The following GRK5 variants were observed in gnomAD, a reference collection of about 807,000 sequenced individuals.
GRK5 encodes G protein-coupled receptor kinase 5, also known as g protein-coupled receptor kinase GRK5.
A neutral mutation model predicts 78.4 loss-of-function variants in GRK5; 40 were observed. The observed-to-expected ratio is 0.51, with a 90% CI of 0.40 to 0.66. The LOEUF (loss-of-function observed/expected upper bound fraction) is 0.66. Ranked by LOEUF, GRK5 falls within the 30% of genes least tolerant of loss-of-function variation. The pLI, the probability that GRK5 is intolerant of heterozygous loss-of-function variation, is 0.00. For missense variants in GRK5, 598 were observed against 759.9 expected, an observed-to-expected ratio of 0.79 and a Z score of 2.50; for synonymous variants, 289 against 296.8, an observed-to-expected ratio of 0.97 and a Z score of 0.27.
At chr10:119,393,158 C>T (rs377597081) in intron 3 of GRK5, among the ~76,000 whole-genome samples, 1 of 152,200 alleles carries the variant, frequency 6.6e-6, no homozygotes, top group Non-Finnish European at 1.5e-5. Context: ...TTAATCAGTG[C>T]GAAAAGCCCA....
At chr10:119,435,116 G>A (rs1485167511) in intron 8 of GRK5, among the ~76,000 whole-genome samples, 1 of 152,190 alleles carries the variant, frequency 6.6e-6, no homozygotes, top group Non-Finnish European at 1.5e-5. Flanking sequence ...CACAGCACGG[G>A]GACCCTGGAC....
rs1470176015 is a variant in GRK5 at position 119,459,670 on chromosome 10, C to T, written c.*4603C>T. On this transcript the variant is annotated 3_prime_UTR_variant, in exon 16 of 16. Transcript: ENST00000392870. ...GTAACTCTGTGTGTTCCGTCTATCG[C>T]GTCACAGTGCCGCTGGATCTAGATG... The T allele has an allele frequency of 2.0e-5, 3 of 152,220 alleles. No individual in the cohort carries two copies. Among genetic ancestry groups the T allele is most frequent in the African/African-American group, 4.8e-5 (2 of 41,462 alleles). The allele number at this position is 152,220 out of a possible 1,614,324, so 9.4% of individuals were successfully genotyped here.
At chr10:119,425,700 GT>G (rs1852665250) in intron 6 of GRK5, among the ~76,000 whole-genome samples, 1 of 152,256 alleles carries the variant, frequency 6.6e-6, no homozygotes, top group South Asian at 2.1e-4. Flanking sequence ...TATCCCGTGA[GT>G]GAGCAGGGCG....
chr10:119,282,469 C>G (rs1004397360), intron 1 of GRK5, among the ~76,000 whole-genome samples: 6 of 152,202 alleles, frequency 3.9e-5, no homozygotes, highest in Non-Finnish European at 5.9e-5. Context: ...TTTTCCTTGT[C>G]TGTCTCCCTC....
At chr10:119,287,285 AGAAGAAAG>A (rs1442834886) in intron 1 of GRK5, among the ~76,000 whole-genome samples, 47 of 100,602 alleles carry the variant, frequency 4.7e-4, no homozygotes, top group Admixed American at 1.3e-3. Context: ...AGGGAGGGAG[AGAAGAAAG>A]AGGGAAGAAA....
At chr10:119,292,978 T>C (rs1850011510) in intron 1 of GRK5, among the ~76,000 whole-genome samples, 1 of 152,202 alleles carries the variant, frequency 6.6e-6, no homozygotes, top group African/African-American at 2.4e-5. Flanking sequence ...CATTGAATAC[T>C]GGGAAACTTC....
chr10:119,428,452 G>A lies in GRK5; in HGVS notation c.534-1923G>A, dbSNP rs1589805258. 2.0e-5 allele frequency among the ~76,000 whole-genome samples: 3 copies of A among 152,330 alleles called. No homozygotes were observed. In the Middle Eastern group the frequency reaches 0.01, roughly 518 times the overall value. ...CCTAGGAGTTCAAATAATGACATCTGACACATCACCAGTTTACAAAGAGCC... is the reference window on the plus strand; with the variant it reads ...CCTAGGAGTTCAAATAATGACATCTAACACATCACCAGTTTACAAAGAGCC... On this transcript the variant is annotated intron_variant, in intron 6 of 15. Transcript: ENST00000392870.
At chr10:119,443,257 G>A (rs959833019) in intron 11 of GRK5, among the ~76,000 whole-genome samples, 28 of 152,278 alleles carry the variant, frequency 1.8e-4, no homozygotes, top group African/African-American at 6.7e-4. Flanking sequence ...TTCTGTGCCA[G>A]GTGTCATATT....
At chr10:119,281,103 G>A (rs1267435172) in intron 1 of GRK5, among the ~76,000 whole-genome samples, 1 of 151,192 alleles carries the variant, frequency 6.6e-6, no homozygotes, top group Non-Finnish European at 1.5e-5. Context: ...GCAGGGTAAA[G>A]CCTCAGGGCC....
chr10:119,356,797 C>G (rs1249437549), intron 2 of GRK5, among the ~76,000 whole-genome samples: 1 of 152,210 alleles, frequency 6.6e-6, no homozygotes, highest in African/African-American at 2.4e-5. Context: ...ACTACCGATC[C>G]CTTTTCTCAC....
At chr10:119,284,294 C>T (rs930060605) in intron 1 of GRK5, among the ~76,000 whole-genome samples, 2 of 152,014 alleles carry the variant, frequency 1.3e-5, no homozygotes, top group African/African-American at 2.4e-5. Context: ...CCAGTATCTG[C>T]AAATGGTTAT....
At chr10:119,263,042 C>T (rs1463920316) in intron 1 of GRK5, among the ~76,000 whole-genome samples, 2 of 152,160 alleles carry the variant, frequency 1.3e-5, no homozygotes, top group Middle Eastern at 3.4e-3. Context: ...GAGTCTTGCT[C>T]TGCCATCCAG....
chr10:119,387,027 C>CA (rs1384247234), intron 3 of GRK5, among the ~76,000 whole-genome samples: 2 of 151,684 alleles, frequency 1.3e-5, no homozygotes, highest in Non-Finnish European at 2.9e-5. Flanking sequence ...TAATTTGAGA[C>CA]AGAGTCTCAC....
intron 13 of GRK5, 40 bp downstream of exon 13, chr10:119,448,300 G>A: frequency 6.4e-7 from 1 of 1,566,130 alleles, no homozygotes; most frequent in South Asian, 1.2e-5. Flanking sequence ...TCCCTTCACA[G>A]GGTACCCAGG....
chr10:119,266,171 G>C (rs74157645), intron 1 of GRK5, among the ~76,000 whole-genome samples: 210 of 152,304 alleles, frequency 1.4e-3, no homozygotes, highest in African/African-American at 4.9e-3. Context: ...AACGATGCTG[G>C]CTGGATGGGC....
rs182393782 is a variant in GRK5, at chr10:119,413,187, T to C, written c.340-9979T>C. ...GGGAACCCCCGAACCAGGGCACTTC[T>C]CCCCCACCCAGCAACCCTATCCTAC... On this transcript the variant is annotated intron_variant, in intron 4 of 15. Transcript: ENST00000392870. Among the ~76,000 whole-genome samples the C allele has an allele frequency of 8.6e-5, 13 of 151,698 alleles. No homozygotes were observed. In the East Asian group the frequency reaches 2.5e-3, roughly 30 times the overall value.
rs1319385749 is a variant in GRK5 at position 119,379,458 on chromosome 10, C to T, written c.149-1357C>T. Among the ~76,000 whole-genome samples, 3 of 152,208 alleles carry T rather than the reference C, an allele frequency of 2.0e-5. No homozygotes were observed. Among genetic ancestry groups the T allele is most frequent in the African/African-American group, 7.2e-5 (3 of 41,436 alleles). On this transcript the variant is annotated intron_variant, in intron 2 of 15. Transcript: ENST00000392870. The surrounding 1 kb of genome is among the most constrained non-coding windows in gnomAD (Gnocchi z 4.1). The stretch of plus-strand genomic sequence containing the variant: ...TTTTGAGACTAAGAATCAAAGTGTG[C>T]CAGCGCAGTGGTTGTGTTCATATCC...
At chr10:119,350,796 G>C (rs1276547290) in intron 2 of GRK5, among the ~76,000 whole-genome samples, 1 of 152,240 alleles carries the variant, frequency 6.6e-6, no homozygotes. Context: ...TCTGTTGACA[G>C]TCTACTTCCA....
chr10:119,286,446 G>A (rs1849847693), intron 1 of GRK5, among the ~76,000 whole-genome samples: 1 of 152,192 alleles, frequency 6.6e-6, no homozygotes, highest in African/African-American at 2.4e-5. Context: ...GGATTTTTCA[G>A]TACCATCTAA....
Sources: gnomAD v4.1 joint callset for allele counts (sites outside exome capture counted in the v4.1 genomes callset) on GRCh38, gnomAD v4.1.1 for gene constraint, Gnocchi (gnomAD v3.1) non-coding constraint, MANE v1.5 for transcripts, NCBI Gene and HGNC (gene_info 2026-07-23, HGNC 2026-07-21) for gene names.